MNAT1: variants seen among roughly 807,000 people sequenced by gnomAD.
The protein encoded by MNAT1 is CDK-activating kinase assembly factor MAT1.
Under a neutral mutation model 42.0 loss-of-function variants are expected in MNAT1, and 43 were observed. The ratio of observed to expected loss-of-function variants is 1.02; its 90% CI spans 0.80 to 1.32. The LOEUF is 1.32. Ranked by LOEUF, MNAT1 falls within the 40% of genes most tolerant of loss-of-function variation. MNAT1 has a pLI of 0.00. For missense variants in MNAT1, 306 were observed against 350.4 expected (o/e 0.87, Z 1.01); for synonymous variants, 118 against 120.0 (o/e 0.98, Z 0.11).
chr14:60,878,434 G>A (rs1180230262), intron 6 of MNAT1, among the ~76,000 whole-genome samples: 2 of 152,082 alleles, frequency 1.3e-5, no homozygotes, highest in Non-Finnish European at 2.9e-5. Context: ...GGACTGTAAG[G>A]TGGATACCTA....
At chr14:60,930,623 T>C (rs1184554996) in intron 7 of MNAT1, among the ~76,000 whole-genome samples, 1 of 152,178 alleles carries the variant, frequency 6.6e-6, no homozygotes, top group African/African-American at 2.4e-5. Flanking sequence ...CATAGAGATA[T>C]GGACATTCAA....
At chr14:60,966,025 G>GA (rs1275597653) in intron 7 of MNAT1, among the ~76,000 whole-genome samples, 1 of 152,168 alleles carries the variant, frequency 6.6e-6, no homozygotes, top group Non-Finnish European at 1.5e-5. Context: ...TTGTGTCTTG[G>GA]AAAGTAATAA....
Position 60,780,421 on chromosome 14 carries a change from T to C in MNAT1, c.90-15796T>C, listed in dbSNP as rs1005638896. 4.5e-6 allele frequency: 7 copies of C among 1,563,368 alleles called. No individual in the cohort carries two copies. In the Admixed American group the frequency reaches 6.7e-5, roughly 15 times the overall value. The stretch of plus-strand genomic sequence containing the variant: ...CATTTCTGCCACTGTTGGAAGTTTC[T>C]TGTTCATTTGATCTGCTGATTTACA... On this transcript the variant is annotated intron_variant, in intron 1 of 7. Coordinates refer to ENST00000261245, the MANE Select transcript of MNAT1 (RefSeq NM_002431.4).
chr14:60,742,746 A>G (rs999317571), intron 1 of MNAT1, among the ~76,000 whole-genome samples: 6 of 152,208 alleles, frequency 3.9e-5, no homozygotes, highest in Non-Finnish European at 8.8e-5. Flanking sequence ...ATGGAATCAT[A>G]CAGTATGTGG....
chr14:60,899,282 T>G (rs2035026220), intron 7 of MNAT1, among the ~76,000 whole-genome samples: 3 of 152,204 alleles, frequency 2.0e-5, no homozygotes, highest in African/African-American at 7.2e-5. Context: ...TCAGCAAACT[T>G]TAAAAATGAT....
At chr14:60,794,932 T>G (rs1328852431) in intron 1 of MNAT1, among the ~76,000 whole-genome samples, 1 of 151,944 alleles carries the variant, frequency 6.6e-6, no homozygotes, top group East Asian at 1.9e-4. Context: ...TAGTGAGTAC[T>G]TAGCGTTAGG....
intron 6 of MNAT1, among the ~76,000 whole-genome samples, chr14:60,868,873 C>T (rs1353449807): frequency 6.6e-6 from 1 of 151,838 alleles, no homozygotes; most frequent in Admixed American, 6.6e-5. Context: ...TATGTACTCT[C>T]ATAGTACACA....
intron 1 of MNAT1, among the ~76,000 whole-genome samples, chr14:60,738,546 C>T (rs187612388): frequency 3.3e-5 from 5 of 151,620 alleles, no homozygotes; most frequent in African/African-American, 4.8e-5. Flanking sequence ...TGAGCCACTG[C>T]GCCCGGCCTG....
chr14:60,817,465 C>T (rs1184167895), intron 5 of MNAT1, among the ~76,000 whole-genome samples: 1 of 151,918 alleles, frequency 6.6e-6, no homozygotes, highest in Non-Finnish European at 1.5e-5. Context: ...CTTCCATTTA[C>T]TATTAAAAGT....
intron 7 of MNAT1, among the ~76,000 whole-genome samples, chr14:60,941,339 A>G (rs1161736679): frequency 1.3e-5 from 2 of 152,242 alleles, no homozygotes; most frequent in Non-Finnish European, 2.9e-5. Flanking sequence ...TTTAAAATGT[A>G]GTCACACTTA....
intron 7 of MNAT1, among the ~76,000 whole-genome samples, chr14:60,914,382 T>A (rs764928186): frequency 5.3e-5 from 8 of 152,200 alleles, no homozygotes; most frequent in Non-Finnish European, 8.8e-5. Context: ...GTAGCTCAGT[T>A]GGAAATGCAG....
chr14:60,824,470 T>TG lies in MNAT1; in HGVS notation c.687+5625dup, dbSNP rs141161109. 1.8e-3 allele frequency among the ~76,000 whole-genome samples: 276 copies of TG among 152,314 alleles called. No individual in the cohort carries two copies. In the East Asian group the frequency reaches 0.028, roughly 16 times the overall value. Reference sequence around the variant, plus strand: ...TGATCAGTTTCAAACTTTCAAATGTTGGAAGTATTAACACATCTTGAAATA... The same window carrying TG: ...TGATCAGTTTCAAACTTTCAAATGTTGGGAAGTATTAACACATCTTGAAATA... On this transcript the variant is annotated intron_variant, in intron 6 of 7. Coordinates refer to ENST00000261245, the MANE Select transcript of MNAT1 (RefSeq NM_002431.4).
intron 7 of MNAT1, among the ~76,000 whole-genome samples, chr14:60,916,034 G>A (rs770560508): frequency 1.3e-5 from 2 of 152,118 alleles, no homozygotes; most frequent in Non-Finnish European, 2.9e-5. Flanking sequence ...GGAGCGCTGT[G>A]GTAACTTTTC....
rs1397929578 is a variant in MNAT1, at chr14:60,811,968, A to G, written c.421-19A>G. On this transcript the variant is annotated intron_variant, in intron 4 of 7. Coordinates refer to ENST00000261245, the MANE Select transcript of MNAT1 (RefSeq NM_002431.4). ...GGCTCCTAAATTTATTCCACGCCAT[A>G]TATAAATTTTTGTTTTAGACTCGAG... 7.1e-6 allele frequency: 11 copies of G among 1,550,016 alleles called. No homozygotes were observed. The highest frequency in any genetic ancestry group is 8.7e-6 in the Non-Finnish European group (10 of 1,154,344).
At chr14:60,879,364 G>C (rs1486096625) in intron 6 of MNAT1, among the ~76,000 whole-genome samples, 1 of 152,130 alleles carries the variant, frequency 6.6e-6, no homozygotes, top group South Asian at 2.1e-4. Flanking sequence ...TGGTGCAAAT[G>C]TTTTTAAAAT....
intron 1 of MNAT1, among the ~76,000 whole-genome samples, chr14:60,771,021 C>T (rs2031032951): frequency 6.6e-6 from 1 of 152,108 alleles, no homozygotes; most frequent in Admixed American, 6.6e-5. Flanking sequence ...TATATGTCCA[C>T]TGGTGTATAT....
chr14:60,956,532 A>C (rs191735493), intron 7 of MNAT1, among the ~76,000 whole-genome samples: 2 of 152,268 alleles, frequency 1.3e-5, no homozygotes, highest in East Asian at 3.9e-4. Flanking sequence ...CTGAAGTGTA[A>C]TTCCAGCTTA....
intron 7 of MNAT1, among the ~76,000 whole-genome samples, chr14:60,934,483 A>G (rs879347427): frequency 2.0e-5 from 3 of 152,102 alleles, no homozygotes; most frequent in Admixed American, 1.3e-4. Flanking sequence ...AATTGAATCA[A>G]GGGGGCGGGT....
chr14:60,945,443 A>G (rs1463160703), intron 7 of MNAT1, among the ~76,000 whole-genome samples: 1 of 152,114 alleles, frequency 6.6e-6, no homozygotes. Context: ...TACCAAATAG[A>G]TTCCTTATAG....
Sources: allele counts gnomAD v4.1 joint callset (sites outside exome capture counted in the v4.1 genomes callset), GRCh38; gene constraint gnomAD v4.1.1; transcripts MANE v1.5; gene names NCBI Gene and HGNC (gene_info 2026-07-23, HGNC 2026-07-21).